The following DENND5A variants were observed in gnomAD, a reference collection of about 807,000 sequenced individuals.
DENND5A encodes DENN domain containing 5A, also known as DENN domain-containing protein 5A.
A neutral mutation model predicts 140.3 loss-of-function variants in DENND5A; 64 were observed. The ratio of observed to expected loss-of-function variants is 0.46; its 90% confidence interval spans 0.37 to 0.56. DENND5A has a LOEUF of 0.56. DENND5A is among the 20% of genes least tolerant of loss of function. The pLI is 0.00. For synonymous variants in DENND5A, 605 were observed against 607.7 expected (o/e 1.00, Z 0.07); for missense variants, 1,292 against 1,593.8 (o/e 0.81, Z 3.22).
chr11:9,171,396 T>C (rs1226498740), intron 8 of DENND5A: 1 of 152,240 alleles, frequency 6.6e-6, no homozygotes, highest in Non-Finnish European at 1.5e-5. Flanking sequence ...GCCTCAGTAG[T>C]AGATAATTAA....
intron 18 of DENND5A, 142 bp downstream of exon 18, chr11:9,144,853 G>A (rs1049041730): frequency 4.5e-6 from 3 of 671,314 alleles, no homozygotes; most frequent in Non-Finnish European, 5.4e-6. Flanking sequence ...ACTTTCAAGT[G>A]TATGAGGCAG....
intron 1 of DENND5A, among the ~76,000 whole-genome samples, chr11:9,255,446 G>T (rs995059431): frequency 1.3e-5 from 2 of 151,902 alleles, no homozygotes; most frequent in Admixed American, 6.6e-5. Context: ...AAAATTAGTC[G>T]GGCAGCCAGG....
intron 1 of DENND5A, among the ~76,000 whole-genome samples, chr11:9,215,937 C>T (rs938140889): frequency 1.3e-5 from 2 of 152,172 alleles, no homozygotes; most frequent in Non-Finnish European, 2.9e-5. Context: ...CAGGTAGGTA[C>T]ACATGCACCT....
At chr11:9,200,512 TA>T (rs1849487367) in intron 4 of DENND5A, among the ~76,000 whole-genome samples, 1 of 152,272 alleles carries the variant, frequency 6.6e-6, no homozygotes, top group South Asian at 2.1e-4. Context: ...TGCCAATATT[TA>T]AAAATCAGAG....
At chr11:9,192,748 C>A (rs1163819383) in intron 5 of DENND5A, among the ~76,000 whole-genome samples, 2 of 152,124 alleles carry the variant, frequency 1.3e-5, no homozygotes, top group Non-Finnish European at 2.9e-5. Flanking sequence ...TCTTCCCAGG[C>A]CTTTCTAATG....
In DENND5A at chr11:9,145,709, G is replaced by T. The variant is rs771366674; in HGVS notation, c.2964C>A (p.Ile988=). 6.2e-7 allele frequency: 1 copy of T among 1,614,190 alleles called. No individual in the cohort carries two copies. Among genetic ancestry groups the T allele is most frequent in the Non-Finnish European group, 8.5e-7 (1 of 1,180,022 alleles). ...CTAGCACATTCCTGGGAATCTGCAT[G>T]ATCTGTGTCTCACCCAATTCTCCTG... ...CISGELGETQ[I]MQIPRNVLEM... is the part of the protein sequence containing the mutation. Residue 988 remains isoleucine, a synonymous_variant, in exon 17 of 23, where the codon ATC becomes ATA. Coordinates refer to ENST00000328194, the MANE Select transcript of DENND5A (RefSeq NM_015213.4).
intron 1 of DENND5A, among the ~76,000 whole-genome samples, chr11:9,229,777 A>G (rs1385262193): frequency 1.3e-5 from 2 of 151,980 alleles, no homozygotes; most frequent in African/African-American, 2.4e-5. Context: ...TTACCATTAG[A>G]TAACACCCTT....
intron 1 of DENND5A, among the ~76,000 whole-genome samples, chr11:9,222,869 A>G (rs932481412): frequency 6.6e-6 from 1 of 152,228 alleles, no homozygotes; most frequent in Admixed American, 6.5e-5. Context: ...AGCTGCAACT[A>G]CATCAGTTAG....
chr11:9,244,235 T>C (rs1261798313), intron 1 of DENND5A, among the ~76,000 whole-genome samples: 3 of 152,226 alleles, frequency 2.0e-5, no homozygotes, highest in Non-Finnish European at 4.4e-5. Flanking sequence ...GTGGTTTAAA[T>C]GTGTCCTTTC....
chr11:9,214,554 C>G (rs1850010962), intron 1 of DENND5A, among the ~76,000 whole-genome samples: 1 of 152,148 alleles, frequency 6.6e-6, no homozygotes, highest in African/African-American at 2.4e-5. Flanking sequence ...TTTACAACTC[C>G]TACACCGTAA....
chr11:9,252,853 T>TTTTC (rs1851790040), intron 1 of DENND5A, among the ~76,000 whole-genome samples: 1 of 64,542 alleles, frequency 1.5e-5, no homozygotes, highest in African/African-American at 1.0e-4. Context: ...AGCAACAGGA[T>TTTTC]TTTTTTTTTT....
At chr11:9,258,340 T>C (rs1852042117) in intron 1 of DENND5A, among the ~76,000 whole-genome samples, 2 of 140,700 alleles carry the variant, frequency 1.4e-5, no homozygotes, top group African/African-American at 5.2e-5. Flanking sequence ...TGTGTTCTCA[T>C]TGTTCAACTC....
chr11:9,251,964 G>C (rs1268285777), intron 1 of DENND5A, among the ~76,000 whole-genome samples: 1 of 151,160 alleles, frequency 6.6e-6, no homozygotes, highest in East Asian at 1.9e-4. Context: ...ACTCCAGCCT[G>C]GGCGACAGAG....
At chr11:9,141,195 C>A (rs1195635790) in intron 22 of DENND5A, among the ~76,000 whole-genome samples, 2 of 152,192 alleles carry the variant, frequency 1.3e-5, no homozygotes, top group African/African-American at 4.8e-5. Flanking sequence ...TTCCTACCAA[C>A]TTCCATAAGG....
rs771272852 is a variant in DENND5A at position 9,144,165 on chromosome 11, G to A, written c.3236C>T (p.Thr1079Ile). The change falls in exon 19 of 23, where the codon ACC (threonine) becomes ATC (isoleucine). Residue 1079 changes from threonine (T) to isoleucine (I), a missense_variant. Thr to Ile is a moderately conservative substitution (Grantham distance 89, BLOSUM62 -1). Around this residue, in one of 4 missense-constraint regions of DENND5A, gnomAD observed 498 missense variants for 689.7 expected, o/e 0.72. Coordinates refer to ENST00000328194, the MANE Select transcript of DENND5A (RefSeq NM_015213.4). ...ACTGGGGGACTGCTGCAGCGGCGGG[G>A]TCCGGCATGGCCTCTCATCCACCTC... ...QPEVDERPCR[T>I]PPLQQSPSVI... 4.3e-5 allele frequency: 69 copies of A among 1,614,004 alleles called. No homozygotes were observed. The highest frequency in any genetic ancestry group is 5.8e-5 in the Non-Finnish European group (68 of 1,180,006).
At chr11:9,237,941 G>T (rs1851072933) in intron 1 of DENND5A, among the ~76,000 whole-genome samples, 1 of 152,058 alleles carries the variant, frequency 6.6e-6, no homozygotes. Flanking sequence ...TAATGCTCCA[G>T]AAAAACCCCT....
intron 1 of DENND5A, among the ~76,000 whole-genome samples, chr11:9,255,022 G>C (rs1851885954): frequency 6.6e-6 from 1 of 152,062 alleles, no homozygotes; most frequent in Non-Finnish European, 1.5e-5. Flanking sequence ...AGTGAGCCAA[G>C]ATCGTGCTAC....
intron 1 of DENND5A, among the ~76,000 whole-genome samples, chr11:9,243,584 G>A (rs946735795): frequency 1.3e-5 from 2 of 152,018 alleles, no homozygotes; most frequent in African/African-American, 4.8e-5. Flanking sequence ...ACTTCCTGAA[G>A]GATAAATATA....
chr11:9,165,342 C>T (rs940415355), intron 11 of DENND5A, among the ~76,000 whole-genome samples: 2 of 152,108 alleles, frequency 1.3e-5, no homozygotes, highest in African/African-American at 4.8e-5. Flanking sequence ...TTTTATCAAG[C>T]AAAGCATGCA....
Sources: gnomAD v4.1 joint callset for allele counts (sites outside exome capture counted in the v4.1 genomes callset) on GRCh38, gnomAD v4.1.1 for gene constraint, gnomAD v4.1.1 regional missense constraint, MANE v1.5 for transcripts, NCBI Gene and HGNC (gene_info 2026-07-23, HGNC 2026-07-21) for gene names.